The following PIK3CD variants were observed in gnomAD, a reference collection of about 807,000 sequenced individuals.
PIK3CD encodes phosphatidylinositol 4,5-bisphosphate 3-kinase catalytic subunit delta isoform.
In PIK3CD, 20 loss-of-function variants were observed where a neutral mutation model predicts 122.9. The ratio of observed to expected loss-of-function variants is 0.16; its 90% CI spans 0.11 to 0.24. The LOEUF (loss-of-function observed/expected upper bound fraction) is 0.24, where lower values mean the gene tolerates loss of function less well. PIK3CD is among the 10% of genes least tolerant of loss of function. The pLI is 1.00. For missense variants in PIK3CD, 787 were observed against 1,406.3 expected (o/e 0.56, Z 7.04); for synonymous variants, 596 against 593.4 (o/e 1.00, Z -0.06).
At chr1:9,635,585 G>T in the PIK3CD span, among the ~76,000 whole-genome samples, 1 of 152,164 alleles carries the variant, frequency 6.6e-6, no homozygotes, top group Admixed American at 6.6e-5. Context: ...GATACCCCTG[G>T]TCTTATCAAC....
the PIK3CD span, among the ~76,000 whole-genome samples, chr1:9,643,443 G>A: frequency 2.6e-5 from 3 of 114,034 alleles, no homozygotes; most frequent in Admixed American, 2.2e-4. Flanking sequence ...AGAGAGAGGG[G>A]AAGGAAGGAA....
upstream of PIK3CD, among the ~76,000 whole-genome samples, chr1:9,647,972 G>A (rs1417580114): frequency 6.6e-6 from 1 of 152,110 alleles, no homozygotes; most frequent in African/African-American, 2.4e-5. Context: ...TGCTATAACT[G>A]ACAAAAACTC....
chr1:9,684,845 C>CAAAAAA (rs200995845), intron 1 of PIK3CD, among the ~76,000 whole-genome samples: 1 of 108,806 alleles, frequency 9.2e-6, no homozygotes, highest in Non-Finnish European at 1.9e-5. Flanking sequence ...GACCCTGTCT[C>CAAAAAA]AAAAAAAAAA....
Position 9,720,952 on chromosome 1 carries a change from C to G in PIK3CD, c.1689+43C>G. The G allele has an allele frequency of 6.5e-7, 1 of 1,542,158 alleles. No individual in the cohort carries two copies. The highest frequency in any genetic ancestry group is 8.8e-7 in the Non-Finnish European group (1 of 1,141,412). Reference sequence around the variant, plus strand: ...CCTGGGGGCGGAGCTGGGGGCAGACCACAGCCTCTGGCTACCCACCACCCT... The same window carrying G: ...CCTGGGGGCGGAGCTGGGGGCAGACGACAGCCTCTGGCTACCCACCACCCT... On this transcript the variant is annotated intron_variant, in intron 13 of 23. Coordinates refer to ENST00000377346, the MANE Select transcript of PIK3CD (RefSeq NM_005026.5). This position sits in a 1 kb window ranked among gnomAD's most constrained non-coding sequence, Gnocchi z 9.0.
Position 9,710,416 on chromosome 1 carries a change from A to G in PIK3CD, c.-32-8A>G. On this transcript the variant is annotated splice_polypyrimidine_tract_variant and splice_region_variant and intron_variant, in intron 2 of 23. Transcript: ENST00000377346. This position sits in a 1 kb window ranked among gnomAD's most constrained non-coding sequence, Gnocchi z 4.7. ...AGGTAACTCATTTTGCCATTTCTTC[A>G]TTTTTAGGACAACTGTCATCTGGGA... The G allele has an allele frequency of 6.2e-7, 1 of 1,613,124 alleles. No individual in the cohort carries two copies. The highest frequency in any genetic ancestry group is 1.3e-5 in the African/African-American group (1 of 75,012).
At chr1:9,726,524 C>T (rs556420475) in intron 23 of PIK3CD, among the ~76,000 whole-genome samples, 1 of 152,152 alleles carries the variant, frequency 6.6e-6, no homozygotes, top group African/African-American at 2.4e-5. Flanking sequence ...TGTATATATA[C>T]AGATACATAT....
At chr1:9,660,204 G>A (rs1343805996) in intron 1 of PIK3CD, among the ~76,000 whole-genome samples, 4 of 152,190 alleles carry the variant, frequency 2.6e-5, no homozygotes, top group African/African-American at 9.7e-5. Flanking sequence ...GAGCCACCGC[G>A]CCTGGCCAGG....
At chr1:9,681,399 G>GGCTGCT (rs755814317) in intron 1 of PIK3CD, among the ~76,000 whole-genome samples, 2 of 152,232 alleles carry the variant, frequency 1.3e-5, no homozygotes, top group Admixed American at 1.3e-4. Context: ...CACCATGCCT[G>GGCTGCT]GCTGCTGCTG....
intron 1 of PIK3CD, among the ~76,000 whole-genome samples, chr1:9,685,605 C>T (rs1346293208): frequency 2.0e-5 from 3 of 152,100 alleles, no homozygotes; most frequent in Admixed American, 6.6e-5. Flanking sequence ...GTGATCCGCC[C>T]TCCTCAGCCT....
the PIK3CD span, among the ~76,000 whole-genome samples, chr1:9,645,030 T>A: frequency 9.9e-6 from 1 of 101,446 alleles, no homozygotes; most frequent in Non-Finnish European, 2.0e-5. Context: ...CTTTTCTTTT[T>A]TTTTTTTTTT....
chr1:9,710,443 G>T lies in PIK3CD; in HGVS notation c.-13G>T, dbSNP rs373376511. 6.2e-6 allele frequency: 10 copies of T among 1,613,990 alleles called. No homozygotes were observed. The highest frequency in any genetic ancestry group is 8.5e-6 in the Non-Finnish European group (10 of 1,179,898). On this transcript the variant is annotated 5_prime_UTR_variant, in exon 3 of 24. Coordinates refer to ENST00000377346, the MANE Select transcript of PIK3CD (RefSeq NM_005026.5). The surrounding 1 kb of genome is among the most constrained non-coding windows in gnomAD (Gnocchi z 4.7). The stretch of plus-strand genomic sequence containing the variant: ...TTTTAGGACAACTGTCATCTGGGAA[G>T]TAACAACGCAGGATGCCCCCTGGGG...
intron 1 of PIK3CD, among the ~76,000 whole-genome samples, chr1:9,684,427 C>T (rs932818565): frequency 2.6e-5 from 4 of 151,362 alleles, no homozygotes; most frequent in Non-Finnish European, 5.9e-5. Context: ...ATCCCAGCTA[C>T]TTGGGAGGCT....
intron 1 of PIK3CD, among the ~76,000 whole-genome samples, chr1:9,667,089 C>T (rs1055571650): frequency 6.6e-6 from 1 of 152,164 alleles, no homozygotes; most frequent in African/African-American, 2.4e-5. Context: ...GTCTCGAACT[C>T]CTGAGCTCAG....
At position 9,689,819 on chromosome 1, in the gene PIK3CD, C is replaced by A. The variant is rs904303116; in HGVS notation, c.-137-1648C>A. ...CCGCCCAGCCCCGGGCTTTGTCCGC[C>A]TGGGGCGGGGTGGGCAGGGTCGGTG... On this transcript the variant is annotated intron_variant, in intron 1 of 23. Coordinates refer to ENST00000377346, the MANE Select transcript of PIK3CD (RefSeq NM_005026.5). The surrounding 1 kb of genome is among the most constrained non-coding windows in gnomAD (Gnocchi z 6.1). Among the ~76,000 whole-genome samples the A allele has an allele frequency of 1.7e-4, 26 of 151,742 alleles. No homozygotes were observed. The highest frequency in any genetic ancestry group is 1.1e-3 in the Admixed American group (17 of 15,266).
Position 9,724,681 on chromosome 1 carries a change from G to GT in PIK3CD, c.2865-122dup, listed in dbSNP as rs1287194788. On this transcript the variant is annotated intron_variant, in intron 22 of 23. Coordinates refer to ENST00000377346, the MANE Select transcript of PIK3CD (RefSeq NM_005026.5). The surrounding 1 kb of genome is among the most constrained non-coding windows in gnomAD (Gnocchi z 7.3). ...CAGTTAGCAGAACTGGAGGCCTTGT[G>GT]TCCACCCATTATCAGGGCAAGGGCA... 1 of 1,320,532 alleles carries GT rather than the reference G, an allele frequency of 7.6e-7. No homozygotes were observed. The highest frequency in any genetic ancestry group is 1.1e-6 in the Non-Finnish European group (1 of 917,060). 81.8% of individuals were successfully genotyped at this position (1,320,532 alleles called of 1,614,324 possible).
chr1:9,728,743 C>T lies in PIK3CD; in HGVS notation c.*1697C>T, dbSNP rs1358131048. 6.6e-6 allele frequency: 1 copy of T among 152,176 alleles called. No individual in the cohort carries two copies. Among genetic ancestry groups the T allele is most frequent in the Non-Finnish European group, 1.5e-5 (1 of 68,032 alleles). The allele number at this position is 152,176 out of a possible 1,614,324, so 9.4% of individuals were successfully genotyped here. A position where few individuals can be genotyped will look rare whatever the true frequency, so the allele number is the denominator to read the frequency against. On this transcript the variant is annotated 3_prime_UTR_variant, in exon 24 of 24. Coordinates refer to ENST00000377346, the MANE Select transcript of PIK3CD (RefSeq NM_005026.5). ...GGGAGCACACTTTGCAAAGCCACAG[C>T]GTTTCTGGTTTTGGGTGTACAGTCT...
chr1:9,726,004 G>A lies in PIK3CD; in HGVS notation c.2998-905G>A, dbSNP rs561421093. Among the ~76,000 whole-genome samples, 4 of 152,246 alleles carry A rather than the reference G, an allele frequency of 2.6e-5. No individual in the cohort carries two copies. The South Asian group carries it at 8.3e-4, about 32-fold the overall frequency. ...AGGCAGGTGGATCACCTGAGGTCAG[G>A]AGTTTGAGACCAGCCTGGCCAACAT... On this transcript the variant is annotated intron_variant, in intron 23 of 23. Transcript: ENST00000377346.
At chr1:9,701,209 C>A (rs1377320470) in intron 2 of PIK3CD, among the ~76,000 whole-genome samples, 1 of 152,114 alleles carries the variant, frequency 6.6e-6, no homozygotes, top group Admixed American at 6.6e-5. Flanking sequence ...CCACACCCTC[C>A]CCTCCGTGCC....
At chr1:9,713,079 A>G (rs2100808896) in intron 3 of PIK3CD, among the ~76,000 whole-genome samples, 1 of 152,296 alleles carries the variant, frequency 6.6e-6, no homozygotes, top group South Asian at 2.1e-4. Context: ...GCTACTCGGG[A>G]GGCTGAGGCC....
Sources: allele counts gnomAD v4.1 joint callset (sites outside exome capture counted in the v4.1 genomes callset), GRCh38; gene constraint gnomAD v4.1.1; non-coding constraint Gnocchi (gnomAD v3.1); transcripts MANE v1.5; gene names NCBI Gene and HGNC (gene_info 2026-07-23, HGNC 2026-07-21).